The following SWAP70 variants were observed in gnomAD, a reference collection of about 807,000 sequenced individuals.
SWAP70 encodes the protein switch-associated protein 70.
SWAP70 carries 34 observed loss-of-function variants against 80.2 expected under a neutral mutation model. The observed-to-expected ratio is 0.42, with a 90% CI of 0.32 to 0.56. The LOEUF (loss-of-function observed/expected upper bound fraction) is 0.56, where lower values mean the gene tolerates loss of function less well. SWAP70 is among the 20% of genes least tolerant of loss of function. The pLI, the probability that SWAP70 is intolerant of heterozygous loss-of-function variation, is 0.09. For missense variants in SWAP70, 578 were observed against 690.7 expected (o/e 0.84, Z 1.83); for synonymous variants, 239 against 238.5 (o/e 1.00, Z -0.02).
chr11:9,668,584 A>G (rs1850336730), intron 1 of SWAP70, among the ~76,000 whole-genome samples: 1 of 152,224 alleles, frequency 6.6e-6, no homozygotes, highest in African/African-American at 2.4e-5. Flanking sequence ...TCATTCACTC[A>G]TACAGTAACC....
intron 3 of SWAP70, among the ~76,000 whole-genome samples, chr11:9,722,284 G>T (rs915705076): frequency 6.6e-6 from 1 of 152,202 alleles, no homozygotes; most frequent in Non-Finnish European, 1.5e-5. Flanking sequence ...GAGCTCTGAG[G>T]TACCACGCTG....
intron 6 of SWAP70, among the ~76,000 whole-genome samples, chr11:9,729,960 A>C (rs917570352): frequency 6.6e-6 from 1 of 152,206 alleles, no homozygotes; most frequent in African/African-American, 2.4e-5. Context: ...GGTAAATTAT[A>C]AATGGGAGAT....
chr11:9,684,564 C>T (rs1565114692), intron 1 of SWAP70, among the ~76,000 whole-genome samples: 1 of 152,134 alleles, frequency 6.6e-6, no homozygotes, highest in Non-Finnish European at 1.5e-5. Context: ...TCTCAGAAGT[C>T]TGTACTTGAA....
chr11:9,734,923 C>G (rs1371933597), intron 7 of SWAP70, among the ~76,000 whole-genome samples: 1 of 152,254 alleles, frequency 6.6e-6, no homozygotes, highest in East Asian at 1.9e-4. Context: ...CCATGCCCAG[C>G]TGAATCTTTT....
chr11:9,748,171 C>CTGTAAGAAA (rs1851536745), intron 10 of SWAP70, 115 bp downstream of exon 10: 5 of 1,126,020 alleles, frequency 4.4e-6, no homozygotes, highest in Non-Finnish European at 6.2e-6. Flanking sequence ...TCTTGCTTAG[C>CTGTAAGAAA]TGTAAGAAAG....
At chr11:9,679,442 CAGCT>C (rs1414557330) in intron 1 of SWAP70, among the ~76,000 whole-genome samples, 1 of 152,190 alleles carries the variant, frequency 6.6e-6, no homozygotes, top group Non-Finnish European at 1.5e-5. Context: ...GATGGATACT[CAGCT>C]AGCTGGCTGT....
intron 1 of SWAP70, among the ~76,000 whole-genome samples, chr11:9,669,238 T>C (rs1017791013): frequency 6.6e-5 from 10 of 152,202 alleles, no homozygotes; most frequent in Non-Finnish European, 1.2e-4. Context: ...AAGCCCATTC[T>C]ATTAATTAAT....
intron 10 of SWAP70, 67 bp from the exon 11 acceptor site, chr11:9,749,020 A>G: frequency 2.1e-6 from 2 of 953,262 alleles, no homozygotes; most frequent in Non-Finnish European, 3.3e-6. Context: ...GTAAGGGCCC[A>G]ATAGTTGTGA....
At position 9,664,146 on chromosome 11, in the gene SWAP70, C is replaced by A. The variant is rs1164728770; in HGVS notation, c.-34C>A. The A allele has an allele frequency of 2.6e-6, 4 of 1,542,330 alleles. No homozygotes were observed. The highest frequency in any genetic ancestry group is 3.5e-6 in the Non-Finnish European group (4 of 1,145,134). On this transcript the variant is annotated 5_prime_UTR_variant, in exon 1 of 12. Coordinates refer to ENST00000318950, the MANE Select transcript of SWAP70 (RefSeq NM_015055.4). ...CCGAGGCGCGGAGGGGCTGGCTGGG[C>A]AGGAGGGGTTGGCGGGGCAGCAGGG... is the stretch of plus-strand genomic sequence containing the variant.
At position 9,752,725 on chromosome 11, in the gene SWAP70, C is replaced by T. The variant is rs886221221; in HGVS notation, c.*2755C>T. 3 of 149,328 alleles carry T rather than the reference C, an allele frequency of 2.0e-5. No homozygotes were observed. The highest frequency in any genetic ancestry group is 4.4e-5 in the Non-Finnish European group (3 of 67,996). The allele number at this position is 149,328 out of a possible 1,614,324, so 9.3% of individuals were successfully genotyped here. A position where few individuals can be genotyped will look rare whatever the true frequency, so the allele number is the denominator to read the frequency against. On this transcript the variant is annotated 3_prime_UTR_variant, in exon 12 of 12. Transcript: ENST00000318950. ...TAATAAGTAGGGATATGATCATTTA[C>T]AGGAATTATATATGAAAAAAGTTTT...
intron 1 of SWAP70, among the ~76,000 whole-genome samples, chr11:9,668,421 G>A (rs1850335261): frequency 6.6e-6 from 1 of 152,198 alleles, no homozygotes; most frequent in Non-Finnish European, 1.5e-5. Context: ...GTCTGTATGA[G>A]ACTTTGGGAT....
chr11:9,686,204 ATCTT>A (rs1850629497), intron 1 of SWAP70, among the ~76,000 whole-genome samples: 1 of 151,876 alleles, frequency 6.6e-6, no homozygotes, highest in South Asian at 2.1e-4. Context: ...TTCAGTGAAT[ATCTT>A]TCTTATATAT....
At chr11:9,746,469 G>A (rs916815290) in intron 9 of SWAP70, among the ~76,000 whole-genome samples, 27 of 152,234 alleles carry the variant, frequency 1.8e-4, no homozygotes, top group African/African-American at 6.3e-4. Context: ...CATCAACTGA[G>A]TGAATAAACT....
chr11:9,714,276 TA>T (rs57265670), intron 3 of SWAP70, among the ~76,000 whole-genome samples: 49,601 of 151,948 alleles, frequency 0.33, 8,345 homozygotes, highest in Non-Finnish European at 0.35. Context: ...CCCCACACTT[TA>T]AAAAAAAGTC....
At chr11:9,719,854 A>G (rs1590036853) in intron 3 of SWAP70, among the ~76,000 whole-genome samples, 1 of 152,220 alleles carries the variant, frequency 6.6e-6, no homozygotes, top group Non-Finnish European at 1.5e-5. Context: ...TGAACCTGAA[A>G]TAGTTTTAAG....
chr11:9,698,159 G>A (rs1228774349), intron 2 of SWAP70, among the ~76,000 whole-genome samples: 1 of 142,594 alleles, frequency 7.0e-6, no homozygotes, highest in African/African-American at 2.6e-5. Context: ...GGAGTACAGT[G>A]GCATGATCTC....
At chr11:9,678,825 T>G (rs1480500741) in intron 1 of SWAP70, among the ~76,000 whole-genome samples, 2 of 152,084 alleles carry the variant, frequency 1.3e-5, no homozygotes, top group Non-Finnish European at 2.9e-5. Flanking sequence ...ATTAGCACAT[T>G]AGCACTCTCA....
chr11:9,706,300 T>G (rs1203002590), intron 2 of SWAP70, among the ~76,000 whole-genome samples: 2 of 133,626 alleles, frequency 1.5e-5, no homozygotes, highest in African/African-American at 6.2e-5. Flanking sequence ...GTGATCTGTA[T>G]ACACTGGTGA....
chr11:9,747,716 T>A, intron 9 of SWAP70, 142 bp from the exon 10 acceptor site: 1 of 771,074 alleles, frequency 1.3e-6, no homozygotes, highest in Non-Finnish European at 2.2e-6. Context: ...TGAGCTTCTC[T>A]GGCTCCTGCT....
Sources: allele counts gnomAD v4.1 joint callset (sites outside exome capture counted in the v4.1 genomes callset), GRCh38; gene constraint gnomAD v4.1.1; transcripts MANE v1.5; gene names NCBI Gene and HGNC (gene_info 2026-07-23, HGNC 2026-07-21).